CPED1: variants seen among roughly 807,000 people sequenced by gnomAD.
The protein encoded by CPED1 is cadherin-like and PC-esterase domain-containing protein 1.
CPED1 carries 114 observed loss-of-function variants against 128.2 expected under a neutral mutation model. The ratio of observed to expected loss-of-function variants is 0.89; its 90% CI spans 0.76 to 1.04. CPED1 has a LOEUF of 1.04. Ranked by LOEUF, CPED1 falls within the 50% of genes least tolerant of loss-of-function variation. The pLI is 0.00. For missense variants in CPED1, 1,211 were observed against 1,207.1 expected, an observed-to-expected ratio of 1.00 and a Z score of -0.05; for synonymous variants, 462 against 426.7, an observed-to-expected ratio of 1.08 and a Z score of -1.02.
chr7:121,117,100 A>ATAAATATATATATATATATATATATATAT, intron 7 of CPED1, among the ~76,000 whole-genome samples: 1 of 70,650 alleles, frequency 1.4e-5, no homozygotes. Flanking sequence ...TATATATATA[A>ATAAATATATATATATATATATATATATAT]ATATATATAT....
chr7:121,041,383 AAT>A (rs3067999), intron 3 of CPED1, among the ~76,000 whole-genome samples: 148,482 of 150,842 alleles, frequency 0.98, 73,094 homozygotes, highest in South Asian at 1. Context: ...AATACAGAAA[AAT>A]ATATATATAT....
intron 2 of CPED1, among the ~76,000 whole-genome samples, chr7:121,005,856 T>TA (rs2116778486): frequency 6.6e-6 from 1 of 152,320 alleles, no homozygotes; most frequent in African/African-American, 2.4e-5. Context: ...TTTGGATTCT[T>TA]ACAGTAGCAC....
intron 16 of CPED1, among the ~76,000 whole-genome samples, chr7:121,142,638 G>A (rs774005836): frequency 2.0e-5 from 3 of 151,858 alleles, no homozygotes; most frequent in Non-Finnish European, 2.9e-5. Flanking sequence ...TAATCATTTT[G>A]CAAGGCTGTA....
At chr7:121,221,973 G>T (rs1429379076) in intron 16 of CPED1, among the ~76,000 whole-genome samples, 1 of 152,168 alleles carries the variant, frequency 6.6e-6, no homozygotes, top group Non-Finnish European at 1.5e-5. Context: ...GATCCCATCT[G>T]TCTATTTTGG....
At chr7:121,165,056 C>T (rs1179509737) in intron 16 of CPED1, among the ~76,000 whole-genome samples, 2 of 152,088 alleles carry the variant, frequency 1.3e-5, no homozygotes, top group South Asian at 2.1e-4. Context: ...TGTTTTCTTA[C>T]ATTTGTGTAT....
At chr7:121,254,020 A>C (rs967047979) in intron 18 of CPED1, among the ~76,000 whole-genome samples, 3 of 152,076 alleles carry the variant, frequency 2.0e-5, no homozygotes, top group African/African-American at 7.2e-5. Flanking sequence ...CAGGAAACTA[A>C]CAAAGAAACT....
intron 4 of CPED1, among the ~76,000 whole-genome samples, chr7:121,049,227 C>A (rs1382001681): frequency 6.6e-6 from 1 of 152,146 alleles, no homozygotes; most frequent in Non-Finnish European, 1.5e-5. Flanking sequence ...TAGTGAGGCA[C>A]TTGGGAACTA....
At chr7:121,128,197 A>G (rs993524653) in intron 10 of CPED1, among the ~76,000 whole-genome samples, 185 bp from the exon 11 acceptor site, 2 of 152,226 alleles carry the variant, frequency 1.3e-5, no homozygotes, top group Admixed American at 6.5e-5. Context: ...CCTGTCAGAT[A>G]TGAAGCTTTC....
intron 16 of CPED1, among the ~76,000 whole-genome samples, chr7:121,145,686 CT>C (rs1796008945): frequency 6.6e-6 from 1 of 151,922 alleles, no homozygotes; most frequent in African/African-American, 2.4e-5. Flanking sequence ...TATTATTTCT[CT>C]TTTATATTTA....
chr7:121,116,975 T>TAC (rs1563031849), intron 7 of CPED1, among the ~76,000 whole-genome samples: 7 of 144,842 alleles, frequency 4.8e-5, no homozygotes, highest in African/African-American at 1.8e-4. Context: ...TATATATATA[T>TAC]ATACACACAC....
intron 12 of CPED1, among the ~76,000 whole-genome samples, chr7:121,133,253 G>C (rs1795714299): frequency 1.3e-5 from 2 of 151,918 alleles, no homozygotes; most frequent in African/African-American, 4.8e-5. Flanking sequence ...CCAAATTTGA[G>C]GATTTAAAGG....
chr7:121,107,479 C>CT (rs1473950264), intron 7 of CPED1, among the ~76,000 whole-genome samples: 1 of 151,974 alleles, frequency 6.6e-6, no homozygotes, highest in Non-Finnish European at 1.5e-5. Context: ...GGCATAGTAG[C>CT]TAATATTCAG....
chr7:121,245,847 C>T (rs535165790), intron 18 of CPED1, among the ~76,000 whole-genome samples: 17 of 152,048 alleles, frequency 1.1e-4, no homozygotes, highest in South Asian at 2.1e-4. Context: ...CCTGCCACCA[C>T]GCCTGGCTAA....
chr7:121,175,355 CAT>C (rs1424963983), intron 16 of CPED1, among the ~76,000 whole-genome samples: 1 of 152,040 alleles, frequency 6.6e-6, no homozygotes, highest in Non-Finnish European at 1.5e-5. Flanking sequence ...GTGGATCTGT[CAT>C]AGATGGCTAT....
At chr7:121,154,610 A>G (rs542413595) in intron 16 of CPED1, among the ~76,000 whole-genome samples, 1 of 152,188 alleles carries the variant, frequency 6.6e-6, no homozygotes, top group Non-Finnish European at 1.5e-5. Context: ...CAGTGGCACA[A>G]TCTTGGCTCA....
At chr7:121,044,974 C>T (rs1793156520) in intron 3 of CPED1, among the ~76,000 whole-genome samples, 1 of 152,008 alleles carries the variant, frequency 6.6e-6, no homozygotes, top group Admixed American at 6.6e-5. Context: ...GAGGTTTCTT[C>T]TAGGGTTCTA....
At chr7:121,189,313 GT>G (rs1368291523) in intron 16 of CPED1, among the ~76,000 whole-genome samples, 1 of 152,132 alleles carries the variant, frequency 6.6e-6, no homozygotes, top group African/African-American at 2.4e-5. Context: ...TTGACTGACA[GT>G]TCTGCAGGCT....
chr7:120,989,939 A>G (rs1713347774), intron 2 of CPED1, 69 bp downstream of exon 2: 1 of 1,573,494 alleles, frequency 6.4e-7, no homozygotes, highest in Non-Finnish European at 8.6e-7. Context: ...TGTCCTTTCT[A>G]TAAAACTAAA....
Position 121,296,297 on chromosome 7 carries a change from A to T in CPED1, c.*645A>T, listed in dbSNP as rs1048057318. 6.6e-6 allele frequency: 1 copy of T among 152,232 alleles called. No individual in the cohort carries two copies. Among genetic ancestry groups the T allele is most frequent in the African/African-American group, 2.4e-5 (1 of 41,468 alleles). 9.4% of individuals were successfully genotyped at this position (152,232 alleles called of 1,614,324 possible). ...TTATAGTTAAAACACCAATATATTCAACTTTACACTTCTTGTGTTTTTCAT... is the reference window on the plus strand; with the variant it reads ...TTATAGTTAAAACACCAATATATTCTACTTTACACTTCTTGTGTTTTTCAT... On this transcript the variant is annotated 3_prime_UTR_variant, in exon 23 of 23. Coordinates refer to ENST00000310396, the MANE Select transcript of CPED1 (RefSeq NM_024913.5).
Sources: gnomAD v4.1 joint callset for allele counts (sites outside exome capture counted in the v4.1 genomes callset) on GRCh38, gnomAD v4.1.1 for gene constraint, MANE v1.5 for transcripts, NCBI Gene and HGNC (gene_info 2026-07-23, HGNC 2026-07-21) for gene names.